Variants in PRKCE observed in about 807,000 individuals in gnomAD.
PRKCE encodes protein kinase C epsilon type.
Under a neutral mutation model 85.4 loss-of-function variants are expected in PRKCE, and 16 were observed. That is an observed-to-expected ratio of 0.19 (90% CI 0.13 to 0.28). The LOEUF is 0.28. Ranked by LOEUF, PRKCE falls within the 10% of genes least tolerant of loss-of-function variation. The probability of loss-of-function intolerance (pLI) is 1.00; values close to 1 mark genes in which losing one functional copy is unlikely to be tolerated. For synonymous variants in PRKCE, 388 were observed against 371.5 expected, an observed-to-expected ratio of 1.04 and a Z score of -0.51; for missense variants, 573 against 975.2, an observed-to-expected ratio of 0.59 and a Z score of 5.49.
At chr2:45,920,741 G>A (rs995415692) in intron 2 of PRKCE, among the ~76,000 whole-genome samples, 3 of 152,188 alleles carry the variant, frequency 2.0e-5, no homozygotes, top group Non-Finnish European at 4.4e-5. Context: ...GGGAATTGGA[G>A]AACAGGGGGT....
chr2:45,737,003 CT>C (rs1256410618), intron 1 of PRKCE, among the ~76,000 whole-genome samples: 1 of 152,174 alleles, frequency 6.6e-6, no homozygotes, highest in Non-Finnish European at 1.5e-5. Context: ...TGAAAGGGAG[CT>C]GCCGCCTTCA....
chr2:45,855,974 T>C (rs1304170601), intron 2 of PRKCE, among the ~76,000 whole-genome samples: 1 of 152,032 alleles, frequency 6.6e-6, no homozygotes, highest in East Asian at 1.9e-4. Flanking sequence ...GAAGTCTCCG[T>C]GTGCATTAAA....
At chr2:46,176,346 C>T (rs1679433393) in intron 14 of PRKCE, among the ~76,000 whole-genome samples, 1 of 151,996 alleles carries the variant, frequency 6.6e-6, no homozygotes, top group Non-Finnish European at 1.5e-5. Context: ...CCAGTGTAGG[C>T]CCAGGTGAAT....
At chr2:45,971,478 C>T (rs1224285135) in intron 2 of PRKCE, among the ~76,000 whole-genome samples, 1 of 152,212 alleles carries the variant, frequency 6.6e-6, no homozygotes, top group African/African-American at 2.4e-5. Flanking sequence ...TAGAAATCTG[C>T]TTCAGCTTTC....
At chr2:45,803,052 G>A (rs1687989597) in intron 1 of PRKCE, among the ~76,000 whole-genome samples, 1 of 152,164 alleles carries the variant, frequency 6.6e-6, no homozygotes, top group South Asian at 2.1e-4. Flanking sequence ...TAAGCAATAA[G>A]GTATGGCTTG....
chr2:45,667,968 C>T (rs1675992862), intron 1 of PRKCE, among the ~76,000 whole-genome samples: 1 of 152,110 alleles, frequency 6.6e-6, no homozygotes, highest in African/African-American at 2.4e-5. Context: ...GAGGTTTCTT[C>T]ATCTGTAAAA....
rs192140197 is a variant in PRKCE, at chr2:45,941,794, T to C, written c.413-34635T>C. ...TCTACGGTCCACTGGAGTCCCAGAG[T>C]GGTCTGATTACATGACAGCCTTCCC... On this transcript the variant is annotated intron_variant, in intron 2 of 14. Coordinates refer to ENST00000306156, the MANE Select transcript of PRKCE (RefSeq NM_005400.3). 9.9e-4 allele frequency among the ~76,000 whole-genome samples: 150 copies of C among 152,090 alleles called. 3 individuals carry two copies. In the Middle Eastern group the frequency reaches 0.034, roughly 34 times the overall value.
intron 1 of PRKCE, among the ~76,000 whole-genome samples, chr2:45,781,276 G>A (rs1252754311): frequency 6.6e-6 from 1 of 152,170 alleles, no homozygotes; most frequent in Non-Finnish European, 1.5e-5. Flanking sequence ...GGTTGAGGCT[G>A]CAGTGAGCCG....
intron 2 of PRKCE, among the ~76,000 whole-genome samples, chr2:45,890,698 A>G (rs1695660754): frequency 6.6e-6 from 1 of 152,162 alleles, no homozygotes; most frequent in Non-Finnish European, 1.5e-5. Flanking sequence ...AACTTTCTAA[A>G]CATCATAGTA....
chr2:45,822,710 C>T (rs7559151), intron 1 of PRKCE, among the ~76,000 whole-genome samples: 13,346 of 152,210 alleles, frequency 0.088, 655 homozygotes, highest in South Asian at 0.15. Context: ...CGTCCGAATC[C>T]GTGTCACTCA....
intron 1 of PRKCE, among the ~76,000 whole-genome samples, chr2:45,772,247 C>T (rs191840613): frequency 6.6e-6 from 1 of 151,442 alleles, no homozygotes; most frequent in East Asian, 1.9e-4. Flanking sequence ...CAAGACCAGC[C>T]TGGGCAGCAT....
chr2:45,995,223 C>A (rs1389590380), intron 6 of PRKCE, among the ~76,000 whole-genome samples: 5 of 152,046 alleles, frequency 3.3e-5, no homozygotes, highest in African/African-American at 1.2e-4. Context: ...TACTTTCTCC[C>A]AGTCTGTTAC....
At chr2:45,889,365 G>A (rs539308931) in intron 2 of PRKCE, among the ~76,000 whole-genome samples, 4 of 152,264 alleles carry the variant, frequency 2.6e-5, no homozygotes, top group African/African-American at 4.8e-5. Flanking sequence ...GTCCATAAGC[G>A]CCCTCCAAAA....
At chr2:45,830,725 A>G (rs1269153626) in intron 1 of PRKCE, among the ~76,000 whole-genome samples, 2 of 152,264 alleles carry the variant, frequency 1.3e-5, no homozygotes, top group African/African-American at 4.8e-5. Flanking sequence ...AGTGAAAACA[A>G]CGTCACCTAT....
chr2:45,957,421 G>A (rs1480777915), intron 2 of PRKCE, among the ~76,000 whole-genome samples: 2 of 152,150 alleles, frequency 1.3e-5, no homozygotes, highest in African/African-American at 4.8e-5. Flanking sequence ...TCAATTGTAT[G>A]CACATATGTG....
chr2:45,952,063 C>T (rs1052080773), intron 2 of PRKCE, among the ~76,000 whole-genome samples: 8 of 152,136 alleles, frequency 5.3e-5, no homozygotes, highest in Admixed American at 2.0e-4. Context: ...CAACTCCTGG[C>T]GTCAAGTGAT....
At chr2:45,731,038 T>G (rs1558606809) in intron 1 of PRKCE, among the ~76,000 whole-genome samples, 1 of 152,066 alleles carries the variant, frequency 6.6e-6, no homozygotes, top group Non-Finnish European at 1.5e-5. Flanking sequence ...AATAGGAATG[T>G]GGGAATAGTG....
At chr2:45,965,247 C>T (rs1443582496) in intron 2 of PRKCE, among the ~76,000 whole-genome samples, 5 of 152,200 alleles carry the variant, frequency 3.3e-5, no homozygotes, top group Non-Finnish European at 5.9e-5. Context: ...TATTCTTTGA[C>T]ATCACATAAA....
At position 45,969,649 on chromosome 2, in the gene PRKCE, C is replaced by A. The variant is rs113255477; in HGVS notation, c.413-6780C>A. Among the ~76,000 whole-genome samples the A allele has an allele frequency of 2.4e-3, 372 of 152,300 alleles. 2 individuals are homozygous for A. The highest frequency in any genetic ancestry group is 8.7e-3 in the African/African-American group (362 of 41,556). The stretch of plus-strand genomic sequence containing the variant: ...CTCCTGTTTGTGCCAAGCAACCCCC[C>A]ACTCCTGCAGCATGAGGGAGCACCT... On this transcript the variant is annotated intron_variant, in intron 2 of 14. Coordinates refer to ENST00000306156, the MANE Select transcript of PRKCE (RefSeq NM_005400.3).
Sources: gnomAD v4.1 joint callset for allele counts (sites outside exome capture counted in the v4.1 genomes callset) on GRCh38, gnomAD v4.1.1 for gene constraint, MANE v1.5 for transcripts, NCBI Gene and HGNC (gene_info 2026-07-23, HGNC 2026-07-21) for gene names.